Variants in HDAC9 observed in about 807,000 individuals in gnomAD.
HDAC9 encodes the protein MEF-2 interacting transcription repressor (MITR) protein.
A neutral mutation model predicts 139.4 loss-of-function variants in HDAC9; 41 were observed. That is an observed-to-expected ratio of 0.29 (90% CI 0.23 to 0.38). The LOEUF (loss-of-function observed/expected upper bound fraction) is 0.38. Among genes scored for constraint, HDAC9 ranks in the 10% least tolerant of loss-of-function variants. The probability of loss-of-function intolerance (pLI) is 1.00; values close to 1 mark genes in which losing one functional copy is unlikely to be tolerated. For missense variants in HDAC9, 1,147 were observed against 1,297.0 expected (o/e 0.88, Z 1.78); for synonymous variants, 517 against 476.2 (o/e 1.09, Z -1.12).
chr7:18,825,050 A>G (rs1795309417), intron 17 of HDAC9, among the ~76,000 whole-genome samples: 1 of 152,238 alleles, frequency 6.6e-6, no homozygotes, highest in Admixed American at 6.5e-5. Context: ...TCTAAGTTAG[A>G]GAAGGCTGGC....
chr7:18,957,407 A>G (rs1468801290), intron 24 of HDAC9, among the ~76,000 whole-genome samples: 1 of 152,174 alleles, frequency 6.6e-6, no homozygotes, highest in Non-Finnish European at 1.5e-5. Flanking sequence ...ATTAGTAAAC[A>G]GTGCTTGATT....
At chr7:18,833,696 C>T (rs1796020822) in intron 19 of HDAC9, among the ~76,000 whole-genome samples, 2 of 152,104 alleles carry the variant, frequency 1.3e-5, no homozygotes, top group African/African-American at 2.4e-5. Context: ...ATGTCTTTAG[C>T]TGAAACAACT....
At chr7:18,371,196 A>T (rs1784567340) in intron 1 of HDAC9, among the ~76,000 whole-genome samples, 1 of 152,184 alleles carries the variant, frequency 6.6e-6, no homozygotes, top group Non-Finnish European at 1.5e-5. Flanking sequence ...TAATCGAAGT[A>T]TGGATTTCAA....
chr7:18,570,422 G>A (rs567293457), intron 2 of HDAC9, among the ~76,000 whole-genome samples: 7 of 152,036 alleles, frequency 4.6e-5, no homozygotes, highest in Non-Finnish European at 8.8e-5. Flanking sequence ...TGACAATTAT[G>A]AACAAATGTT....
chr7:18,484,706 A>G (rs1004985015), intron 1 of HDAC9, among the ~76,000 whole-genome samples: 19 of 152,164 alleles, frequency 1.2e-4, no homozygotes, highest in African/African-American at 3.6e-4. Flanking sequence ...ATGAAAAAGT[A>G]TTAACCAGGC....
chr7:18,168,868 G>A (rs1293565846), intron 2 of HDAC9, among the ~76,000 whole-genome samples: 3 of 139,526 alleles, frequency 2.2e-5, no homozygotes, highest in Non-Finnish European at 3.0e-5. Context: ...CTGAGGAGGT[G>A]CAAATGTCTT....
intron 1 of HDAC9, among the ~76,000 whole-genome samples, chr7:18,328,501 C>G (rs1276971121): frequency 6.6e-6 from 1 of 151,880 alleles, no homozygotes; most frequent in East Asian, 1.9e-4. Flanking sequence ...TAAACCCACT[C>G]TGTGCTAACT....
intron 23 of HDAC9, among the ~76,000 whole-genome samples, chr7:18,941,061 G>C (rs1251084808): frequency 6.6e-6 from 1 of 151,988 alleles, no homozygotes; most frequent in Non-Finnish European, 1.5e-5. Context: ...AAATCCTCTA[G>C]TACTGCAAGT....
chr7:18,154,128 A>C (rs1786994748), intron 1 of HDAC9, among the ~76,000 whole-genome samples: 2 of 152,210 alleles, frequency 1.3e-5, no homozygotes, highest in Admixed American at 1.3e-4. Flanking sequence ...ATTTCTATAA[A>C]ATGATACTTG....
At position 18,429,992 on chromosome 7, in the gene HDAC9, T is replaced by G. The variant is rs1585839672; in HGVS notation, c.-41-66270T>G. Among the ~76,000 whole-genome samples, 7 of 152,348 alleles carry G rather than the reference T, an allele frequency of 4.6e-5. No homozygotes were observed. The East Asian group carries it at 1.3e-3, about 29-fold the overall frequency. On this transcript the variant is annotated intron_variant, in intron 1 of 3. Coordinates refer to the HDAC9 transcript ENST00000413509. ...GGTGTCAAGAACTCTTACAGGCATT[T>G]CATACATTAGGTATTTAATATTTGA...
At chr7:18,134,365 G>A (rs749263203) in intron 1 of HDAC9, among the ~76,000 whole-genome samples, 1 of 152,058 alleles carries the variant, frequency 6.6e-6, no homozygotes, top group Non-Finnish European at 1.5e-5. Flanking sequence ...TGAGCCATTG[G>A]ATGACCATAT....
chr7:18,338,154 G>A (rs768836328), intron 1 of HDAC9, among the ~76,000 whole-genome samples: 1 of 151,676 alleles, frequency 6.6e-6, no homozygotes, highest in Non-Finnish European at 1.5e-5. Flanking sequence ...CATTTCAGAA[G>A]TAGAAATAGA....
intron 22 of HDAC9, among the ~76,000 whole-genome samples, chr7:18,923,859 A>G (rs1162081870): frequency 6.6e-6 from 1 of 152,100 alleles, no homozygotes; most frequent in South Asian, 2.1e-4. Flanking sequence ...TGGAATATGT[A>G]ATGTTATTCC....
At chr7:18,590,596 G>GCT in intron 4 of HDAC9, 110 bp downstream of exon 4, 2 of 1,105,668 alleles carry the variant, frequency 1.8e-6, no homozygotes, top group Non-Finnish European at 2.5e-6. Context: ...AATTATCTGT[G>GCT]TTTAATTAAA....
chr7:18,096,450 A>G (rs1782503929), intron 1 of HDAC9, among the ~76,000 whole-genome samples: 1 of 152,230 alleles, frequency 6.6e-6, no homozygotes, highest in South Asian at 2.1e-4. Context: ...TCAGAAACTG[A>G]TTAGCATACA....
intron 22 of HDAC9, among the ~76,000 whole-genome samples, chr7:18,919,617 G>C (rs1803509320): frequency 2.0e-5 from 3 of 152,074 alleles, no homozygotes; most frequent in Admixed American, 6.6e-5. Context: ...AAGAAGAAAA[G>C]AGCACTTGAA....
At chr7:18,148,388 A>G (rs1256646419) in intron 1 of HDAC9, among the ~76,000 whole-genome samples, 2 of 152,140 alleles carry the variant, frequency 1.3e-5, no homozygotes, top group Non-Finnish European at 2.9e-5. Context: ...GCACTGCTGC[A>G]TCGACTATTA....
chr7:18,365,769 T>C (rs918315003), intron 1 of HDAC9, among the ~76,000 whole-genome samples: 2 of 152,146 alleles, frequency 1.3e-5, no homozygotes, highest in Admixed American at 6.6e-5. Context: ...GCTATGCCTT[T>C]GGGCAAATTA....
intron 17 of HDAC9, chr7:18,807,968 T>G (rs1224391451): frequency 6.6e-6 from 1 of 152,236 alleles, no homozygotes; most frequent in Non-Finnish European, 1.5e-5. Context: ...TCAAGTCCAC[T>G]GTTTTCTTAT....
Sources: allele counts gnomAD v4.1 joint callset (sites outside exome capture counted in the v4.1 genomes callset), GRCh38; gene constraint gnomAD v4.1.1; transcripts MANE v1.5; gene names NCBI Gene and HGNC (gene_info 2026-07-23, HGNC 2026-07-21).